The following MFSD12 variants were observed in gnomAD, a reference collection of about 807,000 sequenced individuals.
MFSD12 encodes the protein major facilitator superfamily domain-containing protein 12.
MFSD12 carries 67 observed loss-of-function variants against 51.2 expected under a neutral mutation model. The observed-to-expected ratio is 1.31, with a 90% CI of 1.08 to 1.60. The LOEUF is 1.60. Among genes scored for constraint, MFSD12 ranks in the 40% most tolerant of loss-of-function variants. The pLI, the probability that MFSD12 is intolerant of heterozygous loss-of-function variation, is 0.00. For synonymous variants in MFSD12, 441 were observed against 316.7 expected, an observed-to-expected ratio of 1.39 and a Z score of -4.17; for missense variants, 921 against 673.0, an observed-to-expected ratio of 1.37 and a Z score of -4.08.
intron 2 of MFSD12, among the ~76,000 whole-genome samples, chr19:3,550,223 T>C (rs1453737288): frequency 2.0e-5 from 3 of 152,066 alleles, no homozygotes; most frequent in Non-Finnish European, 4.4e-5. Context: ...TCAGCCATGC[T>C]GGACTCCTGA....
downstream of MFSD12, chr19:3,543,787 C>T (rs879695822): frequency 4.1e-5 from 61 of 1,493,990 alleles, no homozygotes; most frequent in African/African-American, 5.3e-4. Flanking sequence ...TGGCCAACGG[C>T]GAGGAGGTGG....
chr19:3,546,862 C>G (rs572343339), intron 6 of MFSD12, among the ~76,000 whole-genome samples: 2 of 152,072 alleles, frequency 1.3e-5, no homozygotes, highest in Non-Finnish European at 2.9e-5. Context: ...AGACAAGAGT[C>G]TCGCTGTGTC....
Position 3,547,493 on chromosome 19 carries a change from T to C in MFSD12, c.892A>G (p.Met298Val), listed in dbSNP as rs771878691. Residue 298 changes from methionine to valine, a missense_variant, in exon 5 of 10, where the codon ATG (methionine) becomes GTG (valine). Coordinates refer to ENST00000355415, the MANE Select transcript of MFSD12 (RefSeq NM_174983.5). ...RLIVNLSQTY[M>V]AMYLTYSLHL... ...AGCGAGTAGGTGAGGTACATGGCCA[T>C]GTAGGTCTGGGACAGGTTCACGATG... 1.5e-5 allele frequency: 24 copies of C among 1,612,970 alleles called. No homozygotes were observed. Among genetic ancestry groups the C allele is most frequent in the Non-Finnish European group, 1.9e-5 (23 of 1,179,944 alleles).
chr19:3,549,927 G>A (rs936391645), intron 2 of MFSD12, among the ~76,000 whole-genome samples: 1 of 152,110 alleles, frequency 6.6e-6, no homozygotes, highest in African/African-American at 2.4e-5. Context: ...CTGGCTGACA[G>A]AGCGAGATCC....
downstream of MFSD12, chr19:3,543,988 C>G (rs955140789): frequency 6.5e-7 from 1 of 1,545,764 alleles, no homozygotes; most frequent in Non-Finnish European, 8.7e-7. Context: ...TCCCCGCCTT[C>G]CCTCACACCC....
downstream of MFSD12, chr19:3,543,319 G>A (rs1379526751): frequency 1.9e-6 from 3 of 1,549,354 alleles, no homozygotes; most frequent in East Asian, 2.4e-5. Flanking sequence ...CCATGGGACG[G>A]GACGCAGCCG....
intron 8 of MFSD12, among the ~76,000 whole-genome samples, chr19:3,545,719 G>A (rs2030955372): frequency 1.3e-5 from 2 of 152,244 alleles, no homozygotes; most frequent in African/African-American, 4.8e-5. Flanking sequence ...CAGGCCCTGG[G>A]CCTCTACAGG....
chr19:3,548,180 G>T lies in MFSD12; in HGVS notation c.597C>A (p.Pro199=). Residue 199 remains proline, a synonymous_variant, in exon 3 of 10, where the codon CCC becomes CCA. Transcript: ENST00000355415. The part of the protein sequence containing the change: ...LHLQGSSRVE[P]TQDISISDQL... The stretch of plus-strand genomic sequence containing the variant: ...GGTCGCTGATGCTGATGTCTTGGGT[G>T]GGCTCCACCCGCGACGAGCCCTGCA... The T allele has an allele frequency of 6.3e-7, 1 of 1,592,262 alleles. No homozygotes were observed. The highest frequency in any genetic ancestry group is 2.3e-5 in the East Asian group (1 of 43,476).
chr19:3,556,165 C>A (rs1400770488), intron 1 of MFSD12, among the ~76,000 whole-genome samples: 3 of 152,246 alleles, frequency 2.0e-5, no homozygotes, highest in Non-Finnish European at 4.4e-5. Context: ...TGCTGACGCA[C>A]CAGGTTGCCC....
chr19:3,557,066 G>A (rs1465663062), intron 1 of MFSD12, 40 bp downstream of exon 1: 1 of 1,392,772 alleles, frequency 7.2e-7, no homozygotes, highest in Non-Finnish European at 9.2e-7. Context: ...GCGGAGTCTC[G>A]GAGGGGCTGC....
Position 3,557,456 on chromosome 19 carries a change from G to C in MFSD12, c.-53C>G. ...CCCGGGCTCCGCGGAGGGTACCCTG[G>C]CCAGGCCTTCTTGGGTGCCGTGGGG... is the stretch of plus-strand genomic sequence containing the variant. On this transcript the variant is annotated 5_prime_UTR_variant, in exon 1 of 10. Transcript: ENST00000355415. 8.9e-7 allele frequency: 1 copy of C among 1,129,078 alleles called. No homozygotes were observed. Among genetic ancestry groups the C allele is most frequent in the Non-Finnish European group, 1.1e-6 (1 of 906,844 alleles). 69.9% of individuals were successfully genotyped at this position (1,129,078 alleles called of 1,614,324 possible).
Position 3,551,184 on chromosome 19 carries a change from G to C in MFSD12, c.309C>G (p.Cys103Trp). 1 of 1,606,226 alleles carries C rather than the reference G, an allele frequency of 6.2e-7. No individual in the cohort carries two copies. The change falls in exon 2 of 10, where the codon TGC becomes TGG. Residue 103 changes from cysteine (C) to tryptophan (W), a missense_variant. Physicochemically the swap from Cys to Trp is radical, Grantham distance 215 (BLOSUM62 -2). Coordinates refer to ENST00000355415, the MANE Select transcript of MFSD12 (RefSeq NM_174983.5). The surrounding 1 kb of genome is among the most constrained non-coding windows in gnomAD (Gnocchi z 4.6). ...AGATGAAGGGGAAGGACAGCAGGAC[G>C]CAGACGGTGCCTGTGGAAGGCAGAG... ...RKAWHLVGTV[C>W]VLLSFPFIFS... is the part of the protein sequence containing the mutation.
Position 3,547,932 on chromosome 19 carries a change from G to C in MFSD12, c.753C>G (p.Gly251=). 3 of 1,591,658 alleles carry C rather than the reference G, an allele frequency of 1.9e-6. No homozygotes were observed. Among genetic ancestry groups the C allele is most frequent in the Non-Finnish European group, 2.6e-6 (3 of 1,175,394 alleles). Residue 251 remains glycine (G), a synonymous_variant, in exon 4 of 10, where the codon GGC becomes GGG. Transcript: ENST00000355415. ...ERRRPHAEEP[G]EHTPLLAPAT... The stretch of plus-strand genomic sequence containing the variant: ...CAGGGGCCAACAGGGGGGTGTGCTC[G>C]CCTGGCTCCTCCGCATGCGGCCGGC...
downstream of MFSD12, chr19:3,543,537 G>A (rs1457016975): frequency 2.3e-6 from 3 of 1,328,718 alleles, no homozygotes; most frequent in African/African-American, 1.8e-5. Context: ...ATGACCGCCA[G>A]CCCCCGCCCC....
At chr19:3,539,232 G>C (rs1182294777), downstream of MFSD12, 2 of 1,550,538 alleles carry the variant, frequency 1.3e-6, no homozygotes, top group African/African-American at 1.4e-5. Flanking sequence ...GGGGACCCTC[G>C]AGGCCAGCTT....
In MFSD12 at chr19:3,546,377, CCCAGGCGGCAAAGG is replaced by C; in HGVS notation, c.1058_1071del (p.Ala353GlyfsTer56). On this transcript the variant is annotated frameshift_variant, in exon 7 of 10. Transcript: ENST00000355415. LOFTEE classifies it high-confidence loss of function. ...ACACCCAGTCCCTCCGCCAGCGCCACCCAGGCGGCAAAGGCCAGGATCACCAGGAGGCCTGAGAA... is the reference window on the plus strand; with the variant it reads ...ACACCCAGTCCCTCCGCCAGCGCCACCCAGGATCACCAGGAGGCCTGAGAA... 1 of 1,608,376 alleles carries C rather than the reference CCCAGGCGGCAAAGG, an allele frequency of 6.2e-7. No individual in the cohort carries two copies. The highest frequency in any genetic ancestry group is 8.5e-7 in the Non-Finnish European group (1 of 1,178,072).
At position 3,551,335 on chromosome 19, in the gene MFSD12, G is replaced by A; in HGVS notation, c.299-141C>T. The A allele has an allele frequency of 1.5e-6, 1 of 672,058 alleles. No individual in the cohort carries two copies. Among genetic ancestry groups the A allele is most frequent in the South Asian group, 2.0e-5 (1 of 48,936 alleles). 41.6% of individuals were successfully genotyped at this position (672,058 alleles called of 1,614,324 possible). Reference sequence around the variant, plus strand: ...CATGCACACAGTCACGCAGGAGCGAGGGTCTGCAGTCGGGGTCCCCCAGGC... The same window carrying A: ...CATGCACACAGTCACGCAGGAGCGAAGGTCTGCAGTCGGGGTCCCCCAGGC... On this transcript the variant is annotated intron_variant, in intron 1 of 9. Transcript: ENST00000355415. This position sits in a 1 kb window ranked among gnomAD's most constrained non-coding sequence, Gnocchi z 4.6.
downstream of MFSD12, among the ~76,000 whole-genome samples, chr19:3,541,124 AGG>A (rs2030368059): frequency 7.3e-6 from 1 of 136,770 alleles, no homozygotes; most frequent in African/African-American, 2.8e-5. Context: ...AGCCGAGATC[AGG>A]CCACTGCACT....
chr19:3,549,379 A>G (rs1403743349), intron 2 of MFSD12, among the ~76,000 whole-genome samples: 4 of 152,154 alleles, frequency 2.6e-5, no homozygotes, highest in African/African-American at 2.4e-5. Flanking sequence ...AGGGAAAGGG[A>G]CTTCGCAGTG....
Sources: gnomAD v4.1 joint callset for allele counts (sites outside exome capture counted in the v4.1 genomes callset) on GRCh38, gnomAD v4.1.1 for gene constraint, Gnocchi (gnomAD v3.1) non-coding constraint, MANE v1.5 for transcripts, NCBI Gene and HGNC (gene_info 2026-07-23, HGNC 2026-07-21) for gene names.